The following ANKH variants were observed in gnomAD, a reference collection of about 807,000 sequenced individuals.
The protein encoded by ANKH is ANKH inorganic pyrophosphate transport regulator.
A neutral mutation model predicts 49.0 loss-of-function variants in ANKH; 15 were observed. The observed-to-expected ratio is 0.31, with a 90% CI of 0.20 to 0.47. The LOEUF is 0.47. Among genes scored for constraint, ANKH ranks in the 20% least tolerant of loss-of-function variants. The pLI, the probability that ANKH is intolerant of heterozygous loss-of-function variation, is 1.00. For synonymous variants in ANKH, 273 were observed against 260.0 expected, an observed-to-expected ratio of 1.05 and a Z score of -0.48; for missense variants, 429 against 652.0, an observed-to-expected ratio of 0.66 and a Z score of 3.72.
intron 1 of ANKH, among the ~76,000 whole-genome samples, chr5:14,787,819 G>T (rs1740028351): frequency 6.6e-6 from 1 of 152,166 alleles, no homozygotes; most frequent in African/African-American, 2.4e-5. Flanking sequence ...AATTCCAACA[G>T]TTTGAAACAC....
At position 14,713,178 on chromosome 5, in the gene ANKH, C is replaced by T. The variant is rs1387719315; in HGVS notation, c.1266-205G>A. ...TCGGGGCTGGGCCACCTCCCTCCCA[C>T]AGCACATGGATCCCACAGCCCTTCC... On this transcript the variant is annotated intron_variant, in intron 10 of 11. Coordinates refer to ENST00000284268, the MANE Select transcript of ANKH (RefSeq NM_054027.6). The surrounding 1 kb of genome is among the most constrained non-coding windows in gnomAD (Gnocchi z 4.4). Among the ~76,000 whole-genome samples, 1 of 152,214 alleles carries T rather than the reference C, an allele frequency of 6.6e-6. No individual in the cohort carries two copies. The highest frequency in any genetic ancestry group is 2.4e-5 in the African/African-American group (1 of 41,456).
rs2126391548 is a variant in ANKH at position 14,710,927 on chromosome 5, G to A, written c.*270C>T. On this transcript the variant is annotated 3_prime_UTR_variant, in exon 12 of 12. Coordinates refer to ENST00000284268, the MANE Select transcript of ANKH (RefSeq NM_054027.6). ...ACAACGTCAACCGTGAGGCAGCTGT[G>A]TCTTTTGGGTTTTCGTGAGGCAGGG... 2.3e-6 allele frequency: 1 copy of A among 442,474 alleles called. No individual in the cohort carries two copies. Among genetic ancestry groups the A allele is most frequent in the East Asian group, 5.0e-5 (1 of 20,118 alleles). 27.4% of individuals were successfully genotyped at this position (442,474 alleles called of 1,614,324 possible).
chr5:14,843,549 G>GAA (rs60487783), intron 1 of ANKH, among the ~76,000 whole-genome samples: 4,231 of 60,950 alleles, frequency 0.069, 381 homozygotes, highest in Non-Finnish European at 0.085. Flanking sequence ...GGGGATTAGC[G>GAA]AAAAAAAAAA....
intron 8 of ANKH, among the ~76,000 whole-genome samples, chr5:14,732,332 T>C (rs1738032221): frequency 6.6e-6 from 1 of 151,882 alleles, no homozygotes; most frequent in Non-Finnish European, 1.5e-5. Flanking sequence ...AGGAGAAAAA[T>C]GGTTCATACA....
At chr5:14,835,579 G>C (rs1261110301) in intron 1 of ANKH, among the ~76,000 whole-genome samples, 2 of 152,138 alleles carry the variant, frequency 1.3e-5, no homozygotes, top group Admixed American at 6.6e-5. Flanking sequence ...TTTCTGGCTG[G>C]TGAGATTCTG....
At position 14,709,952 on chromosome 5, in the gene ANKH, C is replaced by T. The variant is rs1376293923; in HGVS notation, c.*1245G>A. On this transcript the variant is annotated 3_prime_UTR_variant, in exon 12 of 12. Coordinates refer to ENST00000284268, the MANE Select transcript of ANKH (RefSeq NM_054027.6). ...TTTAGGTTCTTTCAGTCTAGGAATT[C>T]TGACTAAATCAATTTAGTGAACCGT... The T allele has an allele frequency of 6.6e-6, 1 of 152,150 alleles. No individual in the cohort carries two copies. The highest frequency in any genetic ancestry group is 1.5e-5 in the Non-Finnish European group (1 of 68,034). The allele number at this position is 152,150 out of a possible 1,614,324, so 9.4% of individuals were successfully genotyped here.
At chr5:14,826,807 C>T (rs898167754) in intron 1 of ANKH, among the ~76,000 whole-genome samples, 1 of 152,168 alleles carries the variant, frequency 6.6e-6, no homozygotes, top group Non-Finnish European at 1.5e-5. Flanking sequence ...TCAAAACCAT[C>T]GATTTGCTCT....
chr5:14,818,091 A>G (rs1432853798), intron 1 of ANKH, among the ~76,000 whole-genome samples: 1 of 151,278 alleles, frequency 6.6e-6, no homozygotes, highest in Non-Finnish European at 1.5e-5. Context: ...AAGGAAAAAA[A>G]AAAACCCAAT....
At position 14,716,847 on chromosome 5, in the gene ANKH, GACATCA is replaced by G. The variant is rs758476762; in HGVS notation, c.1012-18_1012-13del. 31 of 1,613,490 alleles carry G rather than the reference GACATCA, an allele frequency of 1.9e-5. No individual in the cohort carries two copies. In the South Asian group the frequency reaches 3.3e-4, roughly 17 times the overall value. ...ATCACGAAACAGAGCTGGGGAGAAA[GACATCA>G]AACAGGGTTGTGAGGAAAAAGTGTA... On this transcript the variant is annotated splice_polypyrimidine_tract_variant and intron_variant, in intron 8 of 11. Coordinates refer to ENST00000284268, the MANE Select transcript of ANKH (RefSeq NM_054027.6).
chr5:14,733,346 A>C (rs781485509), intron 8 of ANKH, among the ~76,000 whole-genome samples: 37 of 152,212 alleles, frequency 2.4e-4, no homozygotes, highest in African/African-American at 8.9e-4. Flanking sequence ...TCCGACCCAG[A>C]GCTGGGGACA....
In ANKH at chr5:14,710,375, G is replaced by A. The variant is rs1339987323; in HGVS notation, c.*822C>T. ...AGCAAGCCTTCAGGAAAAGTCATGC[G>A]GCAGGGTCTGGAATCTGGAGATGCG... On this transcript the variant is annotated 3_prime_UTR_variant, in exon 12 of 12. Transcript: ENST00000284268. The A allele has an allele frequency of 6.6e-6, 1 of 152,210 alleles. No homozygotes were observed. 9.4% of individuals were successfully genotyped at this position (152,210 alleles called of 1,614,324 possible).
intron 1 of ANKH, among the ~76,000 whole-genome samples, chr5:14,773,099 T>G (rs936005928): frequency 6.6e-6 from 1 of 152,200 alleles, no homozygotes; most frequent in African/African-American, 2.4e-5. Context: ...CCACACAGGT[T>G]TTGTTTCTAG....
intron 2 of ANKH, among the ~76,000 whole-genome samples, chr5:14,762,557 G>C (rs1444909593): frequency 6.6e-6 from 1 of 152,210 alleles, no homozygotes; most frequent in Non-Finnish European, 1.5e-5. Context: ...TTTCCTCCCA[G>C]ATTTTCTAAC....
At chr5:14,818,364 G>T (rs1178885708) in intron 1 of ANKH, among the ~76,000 whole-genome samples, 2 of 151,966 alleles carry the variant, frequency 1.3e-5, no homozygotes, top group Non-Finnish European at 2.9e-5. Context: ...AAGCGGCTGG[G>T]CACAGTGGCT....
intron 1 of ANKH, among the ~76,000 whole-genome samples, chr5:14,789,290 A>C (rs1272809525): frequency 6.6e-6 from 1 of 152,196 alleles, no homozygotes; most frequent in African/African-American, 2.4e-5. Flanking sequence ...TTAAGAACGT[A>C]AGAATGGTTC....
chr5:14,755,736 G>T, intron 4 of ANKH, 125 bp downstream of exon 4: 1 of 829,888 alleles, frequency 1.2e-6, no homozygotes, highest in Non-Finnish European at 2.1e-6. Context: ...GTGATGTAAC[G>T]GTGCTGGCAA....
rs1738234664 is a variant in ANKH at position 14,737,796 on chromosome 5, CTG to C, written c.1011+4029_1011+4030del. ...GGCGCCTTGCTAACCTGGGTTTGCA[CTG>C]TGTCTGCTCCCTCGTTGCTATCAAG... is the stretch of plus-strand genomic sequence containing the variant. On this transcript the variant is annotated intron_variant, in intron 8 of 11. Coordinates refer to ENST00000284268, the MANE Select transcript of ANKH (RefSeq NM_054027.6). This position sits in a 1 kb window ranked among gnomAD's most constrained non-coding sequence, Gnocchi z 5.0. 6.6e-6 allele frequency among the ~76,000 whole-genome samples: 1 copy of C among 152,238 alleles called. No homozygotes were observed. The highest frequency in any genetic ancestry group is 2.4e-5 in the African/African-American group (1 of 41,468).
At chr5:14,850,585 T>G (rs1742095996) in intron 1 of ANKH, among the ~76,000 whole-genome samples, 1 of 152,232 alleles carries the variant, frequency 6.6e-6, no homozygotes, top group Non-Finnish European at 1.5e-5. Context: ...CACGGTAAGA[T>G]GGGGACAGAG....
intron 1 of ANKH, chr5:14,825,842 T>C (rs1372317399): frequency 2.0e-5 from 3 of 152,244 alleles, no homozygotes; most frequent in Non-Finnish European, 2.9e-5. Flanking sequence ...CTTTCTACAG[T>C]GCTATACGCA....
Sources: allele counts gnomAD v4.1 joint callset (sites outside exome capture counted in the v4.1 genomes callset), GRCh38; gene constraint gnomAD v4.1.1; non-coding constraint Gnocchi (gnomAD v3.1); transcripts MANE v1.5; gene names NCBI Gene and HGNC (gene_info 2026-07-23, HGNC 2026-07-21).